The following SLC35F1 variants were observed in gnomAD, a reference collection of about 807,000 sequenced individuals.
SLC35F1 encodes the protein chromosome 6 open reading frame 169.
In SLC35F1, 14 loss-of-function variants were observed where a neutral mutation model predicts 48.7. The ratio of observed to expected loss-of-function variants is 0.29; its 90% CI spans 0.19 to 0.45. SLC35F1 has a LOEUF of 0.45. SLC35F1 is among the 20% of genes least tolerant of loss of function. The pLI is 1.00. For missense variants in SLC35F1, 404 were observed against 500.0 expected (o/e 0.81, Z 1.83); for synonymous variants, 190 against 202.2 (o/e 0.94, Z 0.51).
At chr6:118,018,451 T>C (rs1008686750) in intron 1 of SLC35F1, among the ~76,000 whole-genome samples, 1 of 152,186 alleles carries the variant, frequency 6.6e-6, no homozygotes, top group Non-Finnish European at 1.5e-5. Flanking sequence ...ATCAATTCTT[T>C]TATGTACATA....
intron 2 of SLC35F1, among the ~76,000 whole-genome samples, chr6:118,219,309 T>C (rs1169878150): frequency 6.6e-6 from 1 of 152,202 alleles, no homozygotes; most frequent in Non-Finnish European, 1.5e-5. Context: ...ATAATGTATG[T>C]TCGTAAGAGT....
intron 1 of SLC35F1, among the ~76,000 whole-genome samples, chr6:118,082,424 G>A (rs1451351266): frequency 1.3e-5 from 2 of 152,148 alleles, no homozygotes; most frequent in African/African-American, 2.4e-5. Context: ...GAACAAACAG[G>A]CCTGGAGTTT....
intron 2 of SLC35F1, among the ~76,000 whole-genome samples, chr6:118,214,727 A>G (rs1226279035): frequency 6.6e-6 from 1 of 152,136 alleles, no homozygotes; most frequent in Non-Finnish European, 1.5e-5. Flanking sequence ...TGAAAACCCA[A>G]TGGGAAAGCA....
Position 117,984,808 on chromosome 6 carries a change from G to A in SLC35F1, c.173+76909G>A, listed in dbSNP as rs143132517. ...TTTATTGTTCTCTTTCTACAGATGC[G>A]TAAACTGAGGCTTAGAAAGGATATG... is the stretch of plus-strand genomic sequence containing the variant. On this transcript the variant is annotated intron_variant, in intron 1 of 7. Transcript: ENST00000360388. Among the ~76,000 whole-genome samples, 500 of 152,262 alleles carry A rather than the reference G, an allele frequency of 3.3e-3. 2 individuals carry two copies. Among genetic ancestry groups the A allele is most frequent in the African/African-American group, 0.011 (473 of 41,546 alleles).
chr6:117,969,766 C>A (rs765240932), intron 1 of SLC35F1, among the ~76,000 whole-genome samples: 2 of 151,984 alleles, frequency 1.3e-5, no homozygotes, highest in Non-Finnish European at 2.9e-5. Context: ...ACATTTTTTA[C>A]TTTTTGGTGT....
chr6:118,263,621 G>A (rs1248483796), intron 3 of SLC35F1, among the ~76,000 whole-genome samples: 2 of 152,128 alleles, frequency 1.3e-5, no homozygotes, highest in East Asian at 3.8e-4. Context: ...ATTCAGAGAT[G>A]TATGCAAAGA....
intron 1 of SLC35F1, among the ~76,000 whole-genome samples, chr6:117,909,691 A>G (rs768676889): frequency 2.0e-5 from 3 of 152,198 alleles, no homozygotes; most frequent in Non-Finnish European, 4.4e-5. Flanking sequence ...ACACTTGGAA[A>G]AGTATAAAGA....
chr6:118,050,424 C>G (rs114941858), intron 1 of SLC35F1, among the ~76,000 whole-genome samples: 2,601 of 147,950 alleles, frequency 0.018, 75 homozygotes, highest in African/African-American at 0.06. Context: ...AATAGTATTA[C>G]AGTGCAATAA....
chr6:118,117,994 C>A (rs1170780622), intron 1 of SLC35F1, among the ~76,000 whole-genome samples: 2 of 152,094 alleles, frequency 1.3e-5, no homozygotes, highest in Non-Finnish European at 2.9e-5. Flanking sequence ...GAGGAAGATT[C>A]AATTCCTTGC....
intron 1 of SLC35F1, among the ~76,000 whole-genome samples, chr6:118,048,504 C>T (rs1772333984): frequency 6.6e-6 from 1 of 152,140 alleles, no homozygotes; most frequent in Non-Finnish European, 1.5e-5. Flanking sequence ...TGATAAGCAA[C>T]TTCAGCAAAG....
Position 117,923,851 on chromosome 6 carries a change from CATAT to C in SLC35F1, c.173+15957_173+15960del, listed in dbSNP as rs201981753. 1.3e-4 allele frequency among the ~76,000 whole-genome samples: 14 copies of C among 105,632 alleles called. No homozygotes were observed. In the South Asian group the frequency reaches 1.5e-3, roughly 11 times the overall value. The allele number at this position is 105,632 out of a possible 152,430, so 69.3% of individuals were successfully genotyped here. ...TACATATACACATTACATATATGCACATATATATGTGTGTACATATATACATATG... is the reference window on the plus strand; with the variant it reads ...TACATATACACATTACATATATGCACATATGTGTGTACATATATACATATG... On this transcript the variant is annotated intron_variant, in intron 1 of 7. Transcript: ENST00000360388.
rs140718564 is a variant in SLC35F1 at position 117,925,818 on chromosome 6, A to G, written c.173+17919A>G. Among the ~76,000 whole-genome samples the G allele has an allele frequency of 3.8e-3, 581 of 152,206 alleles. 3 individuals are homozygous for G. Among genetic ancestry groups the G allele is most frequent in the African/African-American group, 0.014 (563 of 41,530 alleles). On this transcript the variant is annotated intron_variant, in intron 1 of 7. Transcript: ENST00000360388. ...GTAGGTGTCATCCATACTGGTCTGT[A>G]TATCCATACCAGTCTGTGGCACCTT... is the stretch of plus-strand genomic sequence containing the variant.
At chr6:117,985,412 G>A (rs1349497981) in intron 1 of SLC35F1, among the ~76,000 whole-genome samples, 1 of 152,226 alleles carries the variant, frequency 6.6e-6, no homozygotes, top group Non-Finnish European at 1.5e-5. Flanking sequence ...CTTGTAATGG[G>A]CACATGGAGG....
chr6:118,312,589 G>C (rs2114673305), intron 7 of SLC35F1, among the ~76,000 whole-genome samples: 2 of 152,260 alleles, frequency 1.3e-5, no homozygotes, highest in East Asian at 3.9e-4. Context: ...AGGAATTGAG[G>C]GACAGGGTGT....
intron 1 of SLC35F1, among the ~76,000 whole-genome samples, chr6:117,981,778 CTT>C (rs557286486): frequency 1.3e-5 from 2 of 152,094 alleles, no homozygotes; most frequent in African/African-American, 4.8e-5. Flanking sequence ...TGGTCAAAGA[CTT>C]TTTTTTGTAT....
chr6:118,259,752 G>C (rs1775689170), intron 3 of SLC35F1, among the ~76,000 whole-genome samples: 1 of 151,506 alleles, frequency 6.6e-6, no homozygotes, highest in South Asian at 2.1e-4. Flanking sequence ...AGAGAAACTA[G>C]AACCCTTGTA....
At chr6:118,205,465 C>T (rs532390339) in intron 2 of SLC35F1, among the ~76,000 whole-genome samples, 1 of 152,254 alleles carries the variant, frequency 6.6e-6, no homozygotes, top group East Asian at 1.9e-4. Context: ...CCACTTTGCA[C>T]CCACTAGGAT....
intron 6 of SLC35F1, among the ~76,000 whole-genome samples, chr6:118,279,429 G>C (rs77295944): frequency 0.011 from 1,721 of 152,272 alleles, 31 homozygotes; most frequent in African/African-American, 0.04. Context: ...CCTACTGCAA[G>C]GTTGTGTTGT....
intron 1 of SLC35F1, among the ~76,000 whole-genome samples, chr6:117,948,966 A>G (rs1356080262): frequency 6.6e-6 from 1 of 152,148 alleles, no homozygotes; most frequent in African/African-American, 2.4e-5. Flanking sequence ...AGTTTCAAAG[A>G]CATTTGGTGG....
Sources: allele counts gnomAD v4.1 joint callset (sites outside exome capture counted in the v4.1 genomes callset), GRCh38; gene constraint gnomAD v4.1.1; transcripts MANE v1.5; gene names NCBI Gene and HGNC (gene_info 2026-07-23, HGNC 2026-07-21).